The following EPRS1 variants were observed in gnomAD, a reference collection of about 807,000 sequenced individuals.
EPRS1 encodes the protein bifunctional glutamate/proline--tRNA ligase.
A neutral mutation model predicts 188.3 loss-of-function variants in EPRS1; 107 were observed. The observed-to-expected ratio is 0.57, with a 90% CI of 0.49 to 0.67. The LOEUF (loss-of-function observed/expected upper bound fraction) is 0.67. Among genes scored for constraint, EPRS1 ranks in the 30% least tolerant of loss-of-function variants. The pLI is 0.00. For synonymous variants in EPRS1, 596 were observed against 593.1 expected, an observed-to-expected ratio of 1.00 and a Z score of -0.07; for missense variants, 1,577 against 1,802.2, an observed-to-expected ratio of 0.88 and a Z score of 2.26.
chr1:220,036,249 C>G (rs998082933), intron 2 of EPRS1, among the ~76,000 whole-genome samples: 2 of 152,120 alleles, frequency 1.3e-5, no homozygotes, highest in African/African-American at 4.8e-5. Flanking sequence ...GTAAATTAGT[C>G]AAACCACTGT....
At chr1:220,010,229 C>T (rs976516012) in intron 13 of EPRS1, among the ~76,000 whole-genome samples, 7 of 151,866 alleles carry the variant, frequency 4.6e-5, no homozygotes, top group African/African-American at 1.7e-4. Context: ...AATGTTTTGG[C>T]TTAAAGACAA....
At chr1:219,982,497 A>G in intron 23 of EPRS1, 1 of 269,148 alleles carries the variant, frequency 3.7e-6, no homozygotes. Flanking sequence ...TTATTCTAAG[A>G]ATAAAACTCC....
chr1:220,040,204 T>C lies in EPRS1; in HGVS notation c.112A>G (p.Asn38Asp). Residue 38 changes from asparagine (N) to aspartate (D), a missense_variant, in exon 2 of 32, where the codon AAT becomes GAT. Around this residue, in one of 3 missense-constraint regions of EPRS1, gnomAD observed 1,278 missense variants for 1,457.4 expected, o/e 0.88. Transcript: ENST00000366923. ...VSISVEEGKE[N>D]ILHVSENVIF... ...ACTTACTCAGAAACATGAAGAATAT[T>C]CTCTTTCCCTTCTTCAACGGAAATG... 1 of 1,601,558 alleles carries C rather than the reference T, an allele frequency of 6.2e-7. No individual in the cohort carries two copies.
chr1:219,982,128 C>T (rs192211377), intron 23 of EPRS1, among the ~76,000 whole-genome samples: 17 of 152,250 alleles, frequency 1.1e-4, no homozygotes, highest in African/African-American at 3.6e-4. Context: ...AAAAGTATCA[C>T]TAGAAATATC....
chr1:220,020,815 AATTTGAATT>A (rs1269340197), intron 9 of EPRS1, among the ~76,000 whole-genome samples: 2 of 126,244 alleles, frequency 1.6e-5, no homozygotes, highest in Non-Finnish European at 3.4e-5. Context: ...ATGCAGTATC[AATTTGAATT>A]TATATATATA....
chr1:219,972,975 T>C (rs1005657685), intron 29 of EPRS1, among the ~76,000 whole-genome samples: 5 of 152,160 alleles, frequency 3.3e-5, no homozygotes, highest in Admixed American at 2.6e-4. Flanking sequence ...TTATATCTCA[T>C]AAAAGCCTAG....
At chr1:220,030,516 T>G in intron 5 of EPRS1, 36 bp from the exon 6 acceptor site, 1 of 1,479,798 alleles carries the variant, frequency 6.8e-7, no homozygotes, top group South Asian at 1.1e-5. Context: ...CAAAAAGTCT[T>G]ATGGTTAAAT....
rs543964703 is a variant in EPRS1, at chr1:220,042,793, C to A, written c.47-2524G>T. On this transcript the variant is annotated intron_variant, in intron 1 of 31. Transcript: ENST00000366923. ...AAAATTAGCTGGGCGTGGTGGCATG[C>A]GCCTATAGTCCCAGCTACTCGGGAG... Among the ~76,000 whole-genome samples the A allele has an allele frequency of 1.4e-4, 21 of 149,684 alleles. No homozygotes were observed. In the South Asian group the frequency reaches 4.3e-3, roughly 30 times the overall value.
At chr1:220,045,412 G>A (rs1372898451) in intron 1 of EPRS1, among the ~76,000 whole-genome samples, 1 of 152,130 alleles carries the variant, frequency 6.6e-6, no homozygotes, top group Non-Finnish European at 1.5e-5. Flanking sequence ...GCTGAGGTGG[G>A]AGGATCATCT....
chr1:219,973,459 G>A (rs1660708721), intron 28 of EPRS1, 61 bp from the exon 29 acceptor site: 4 of 1,089,244 alleles, frequency 3.7e-6, no homozygotes, highest in Non-Finnish European at 5.1e-6. Context: ...ATATACAGAT[G>A]TAATTCATGG....
intron 4 of EPRS1, 102 bp downstream of exon 4, chr1:220,033,400 C>A (rs1379847857): frequency 2.6e-6 from 2 of 774,164 alleles, no homozygotes; most frequent in African/African-American, 3.6e-5. Flanking sequence ...CATATATATA[C>A]ACACACATAT....
At position 219,980,201 on chromosome 1, in the gene EPRS1, C is replaced by T; in HGVS notation, c.3595G>A (p.Glu1199Lys). The change falls in exon 26 of 32, where the codon GAA becomes AAA. Residue 1199 changes from glutamate to lysine, a missense_variant. By Grantham distance (56) the Glu-to-Lys change is moderately conservative. Transcript: ENST00000366923. ...TTAACAACAGGAATTGCCAGGAGTT[C>T]TTCATATACCTGAGCATATAAGTCA... The part of the protein sequence containing the change: ...ILDLYAQVYE[E>K]LLAIPVVKGR... The T allele has an allele frequency of 2.5e-6, 4 of 1,613,272 alleles. No individual in the cohort carries two copies. The African/African-American group carries it at 5.3e-5, about 22-fold the overall frequency.
intron 27 of EPRS1, 55 bp from the exon 28 acceptor site, chr1:219,978,774 G>A: frequency 7.1e-7 from 1 of 1,409,928 alleles, no homozygotes; most frequent in Non-Finnish European, 9.6e-7. Context: ...TAGAAGTAAT[G>A]AGCTCTCAGA....
intron 12 of EPRS1, among the ~76,000 whole-genome samples, chr1:220,016,288 G>A (rs1269802822): frequency 6.7e-6 from 1 of 150,022 alleles, no homozygotes; most frequent in East Asian, 2.0e-4. Flanking sequence ...AGGTTGCAGT[G>A]AGCCCAGATT....
intron 16 of EPRS1, among the ~76,000 whole-genome samples, chr1:220,002,687 C>G (rs1571675136): frequency 1.3e-5 from 2 of 152,104 alleles, no homozygotes; most frequent in Admixed American, 1.3e-4. Flanking sequence ...TGGTGAAACC[C>G]TGTCTCTACA....
chr1:219,996,560 G>C (rs1412656121), intron 18 of EPRS1, among the ~76,000 whole-genome samples: 1 of 152,230 alleles, frequency 6.6e-6, no homozygotes, highest in African/African-American at 2.4e-5. Context: ...CTGGTGCACA[G>C]TAAAGCTTGA....
intron 17 of EPRS1, among the ~76,000 whole-genome samples, chr1:219,999,263 C>T (rs1030305967): frequency 6.6e-6 from 1 of 152,148 alleles, no homozygotes; most frequent in Non-Finnish European, 1.5e-5. Context: ...CAAAGGATCT[C>T]TGACTGCAAA....
intron 7 of EPRS1, 86 bp from the exon 8 acceptor site, chr1:220,024,542 T>C: frequency 1.2e-6 from 1 of 823,236 alleles, no homozygotes. Flanking sequence ...TTTAAGCAAA[T>C]GTAACATAGA....
intron 2 of EPRS1, among the ~76,000 whole-genome samples, chr1:220,036,478 T>C (rs530290863): frequency 6.6e-6 from 1 of 151,232 alleles, no homozygotes; most frequent in African/African-American, 2.4e-5. Context: ...GTGGTACATA[T>C]ATACCACAGA....
Sources: allele counts gnomAD v4.1 joint callset (sites outside exome capture counted in the v4.1 genomes callset), GRCh38; gene constraint gnomAD v4.1.1; regional missense constraint gnomAD v4.1.1; transcripts MANE v1.5; gene names NCBI Gene and HGNC (gene_info 2026-07-23, HGNC 2026-07-21).